ABL2: variants seen among roughly 807,000 people sequenced by gnomAD.
ABL2 encodes the protein tyrosine-protein kinase ABL2.
In ABL2, 49 loss-of-function variants were observed where a neutral mutation model predicts 107.7. The observed-to-expected ratio is 0.45, with a 90% CI of 0.36 to 0.58. The LOEUF (loss-of-function observed/expected upper bound fraction) is 0.58. ABL2 is among the 20% of genes least tolerant of loss of function. ABL2 has a pLI of 0.00. For missense variants in ABL2, 1,245 were observed against 1,457.0 expected (o/e 0.85, Z 2.37); for synonymous variants, 549 against 548.6 (o/e 1.00, Z -0.01).
intron 1 of ABL2, among the ~76,000 whole-genome samples, chr1:179,156,811 G>C (rs751079143): frequency 7.9e-5 from 12 of 152,052 alleles, no homozygotes; most frequent in Non-Finnish European, 1.0e-4. Context: ...CAGGGAAACA[G>C]AGGCTGCAGT....
chr1:179,169,391 A>G (rs1659583723), intron 1 of ABL2, among the ~76,000 whole-genome samples: 1 of 152,006 alleles, frequency 6.6e-6, no homozygotes, highest in African/African-American at 2.4e-5. Context: ...TACAAAAAAT[A>G]CAAAAAATTA....
intron 1 of ABL2, among the ~76,000 whole-genome samples, chr1:179,192,861 C>T (rs1260717520): frequency 6.6e-6 from 1 of 152,098 alleles, no homozygotes; most frequent in East Asian, 1.9e-4. Context: ...AAGTACAGAA[C>T]TTTTCACGTA....
intron 1 of ABL2, among the ~76,000 whole-genome samples, chr1:179,169,946 G>A (rs908985962): frequency 6.6e-6 from 1 of 152,156 alleles, no homozygotes; most frequent in East Asian, 1.9e-4. Context: ...GCAGGAGCTT[G>A]AGTCCAGGAT....
chr1:179,152,018 A>G (rs1036286761), intron 1 of ABL2, among the ~76,000 whole-genome samples: 7 of 152,198 alleles, frequency 4.6e-5, no homozygotes, highest in African/African-American at 1.4e-4. Context: ...ATAAAGGAAG[A>G]GCACATTTTT....
At chr1:179,152,891 G>A (rs547948472) in intron 1 of ABL2, among the ~76,000 whole-genome samples, 1 of 152,218 alleles carries the variant, frequency 6.6e-6, no homozygotes, top group African/African-American at 2.4e-5. Context: ...TGGAAATAAA[G>A]GATATCGGAA....
At chr1:179,181,331 C>T (rs1369019591) in intron 1 of ABL2, among the ~76,000 whole-genome samples, 1 of 152,148 alleles carries the variant, frequency 6.6e-6, no homozygotes, top group East Asian at 1.9e-4. Context: ...AAAGTTTCAA[C>T]TTGAGATTGC....
At chr1:179,173,280 T>C (rs897830299) in intron 1 of ABL2, among the ~76,000 whole-genome samples, 1 of 151,702 alleles carries the variant, frequency 6.6e-6, no homozygotes, top group Non-Finnish European at 1.5e-5. Context: ...TCAAGAAGTA[T>C]TTTGAAAGTA....
At position 179,122,997 on chromosome 1, in the gene ABL2, C is replaced by CA. The variant is rs1437182973; in HGVS notation, c.688-1131dup. 7.2e-5 allele frequency among the ~76,000 whole-genome samples: 11 copies of CA among 152,178 alleles called. No individual in the cohort carries two copies. The East Asian group carries it at 1.9e-3, about 27-fold the overall frequency. On this transcript the variant is annotated intron_variant, in intron 4 of 11. Coordinates refer to ENST00000502732, the MANE Select transcript of ABL2 (RefSeq NM_007314.4). The stretch of plus-strand genomic sequence containing the variant: ...TTTTTAAGCCACAAGACTATGGACT[C>CA]AACTACAGAAGATACGTAAAGAAGA...
chr1:179,164,499 C>T (rs1266204076), intron 1 of ABL2, among the ~76,000 whole-genome samples: 1 of 152,106 alleles, frequency 6.6e-6, no homozygotes, highest in East Asian at 1.9e-4. Flanking sequence ...AGAAAAACAC[C>T]ATTGCCTATG....
chr1:179,125,439 C>G (rs1405327866), intron 4 of ABL2, among the ~76,000 whole-genome samples: 1 of 152,174 alleles, frequency 6.6e-6, no homozygotes, highest in Non-Finnish European at 1.5e-5. Flanking sequence ...CTATACATGT[C>G]TTCTGGCACA....
At position 179,101,335 on chromosome 1, in the gene ABL2, T is replaced by C. The variant is rs186766915; in HGVS notation, c.*6383A>G. Reference sequence around the variant, plus strand: ...CAGGGTGAAGCCTTCCCTAATTTCCTGTCCTTTGGATCTAGGATATTGAGT... The same window carrying C: ...CAGGGTGAAGCCTTCCCTAATTTCCCGTCCTTTGGATCTAGGATATTGAGT... On this transcript the variant is annotated 3_prime_UTR_variant, in exon 12 of 12. Transcript: ENST00000502732. 1.5e-4 allele frequency: 31 copies of C among 200,438 alleles called. No homozygotes were observed. The Admixed American group carries it at 1.7e-3, about 11-fold the overall frequency. 12.4% of individuals were successfully genotyped at this position (200,438 alleles called of 1,614,324 possible). A position where few individuals can be genotyped will look rare whatever the true frequency, so the allele number is the denominator to read the frequency against.
chr1:179,136,358 T>C (rs1485418024), intron 1 of ABL2, among the ~76,000 whole-genome samples: 2 of 152,114 alleles, frequency 1.3e-5, no homozygotes, highest in African/African-American at 2.4e-5. Context: ...CATTTTGTTC[T>C]GTACTAAGAA....
At chr1:179,182,495 A>G (rs1660436518) in intron 1 of ABL2, among the ~76,000 whole-genome samples, 1 of 152,194 alleles carries the variant, frequency 6.6e-6, no homozygotes, top group African/African-American at 2.4e-5. Flanking sequence ...AGAAAATTAA[A>G]GTAATCAGAG....
chr1:179,180,015 G>A (rs1256186204), intron 1 of ABL2, among the ~76,000 whole-genome samples: 2 of 151,960 alleles, frequency 1.3e-5, no homozygotes, highest in Admixed American at 1.3e-4. Flanking sequence ...GGGAGGCTGA[G>A]GTGGGAGGAT....
At chr1:179,110,764 T>G in intron 10 of ABL2, 1 of 1,613,966 alleles carries the variant, frequency 6.2e-7, no homozygotes, top group Admixed American at 1.7e-5. Flanking sequence ...GGAGTTACTA[T>G]GAATACGTTG....
intron 1 of ABL2, among the ~76,000 whole-genome samples, chr1:179,179,757 G>A (rs562715228): frequency 6.6e-6 from 1 of 152,142 alleles, no homozygotes; most frequent in Admixed American, 6.5e-5. Flanking sequence ...AAGTTAGCAT[G>A]TAAAATAGTA....
At chr1:179,122,178 T>C (rs1655277243) in intron 4 of ABL2, among the ~76,000 whole-genome samples, 1 of 150,452 alleles carries the variant, frequency 6.6e-6, no homozygotes, top group Non-Finnish European at 1.5e-5. Flanking sequence ...CCTCCCAAAG[T>C]GCTGGGATTA....
At chr1:179,156,466 C>T (rs1658697192) in intron 1 of ABL2, among the ~76,000 whole-genome samples, 1 of 152,210 alleles carries the variant, frequency 6.6e-6, no homozygotes, top group South Asian at 2.1e-4. Context: ...AAAGCATGCT[C>T]AGGATTCAGT....
chr1:179,226,043 CAAAAAAAAAAAAAA>C (rs1194438803), intron 1 of ABL2, among the ~76,000 whole-genome samples: 9 of 45,684 alleles, frequency 2.0e-4, no homozygotes, highest in South Asian at 9.4e-4. Flanking sequence ...GACTCCGCCT[CAAAAAAAAAAAAAA>C]AAAAAAAAAA....
Sources: allele counts gnomAD v4.1 joint callset (sites outside exome capture counted in the v4.1 genomes callset), GRCh38; gene constraint gnomAD v4.1.1; transcripts MANE v1.5; gene names NCBI Gene and HGNC (gene_info 2026-07-23, HGNC 2026-07-21).